PCDH7: variants seen among roughly 807,000 people sequenced by gnomAD.
PCDH7 encodes protocadherin-7.
A neutral mutation model predicts 58.9 loss-of-function variants in PCDH7; 17 were observed. That is an observed-to-expected ratio of 0.29 (90% CI 0.20 to 0.43). The LOEUF is 0.43. Ranked by LOEUF, PCDH7 falls within the 20% of genes least tolerant of loss-of-function variation. The probability of loss-of-function intolerance (pLI) is 1.00; values close to 1 mark genes in which losing one functional copy is unlikely to be tolerated. For missense variants in PCDH7, 1,274 were observed against 1,441.0 expected (o/e 0.88, Z 1.88); for synonymous variants, 664 against 616.4 (o/e 1.08, Z -1.14).
intron 3 of PCDH7, among the ~76,000 whole-genome samples, chr4:30,994,514 A>T (rs545072003): frequency 6.6e-6 from 1 of 152,222 alleles, no homozygotes; most frequent in Admixed American, 6.5e-5. Context: ...AAGATAGGTG[A>T]TAAAAACCAA....
intron 1 of PCDH7, among the ~76,000 whole-genome samples, chr4:30,838,686 A>T (rs1247901994): frequency 6.6e-6 from 1 of 151,934 alleles, no homozygotes; most frequent in African/African-American, 2.4e-5. Context: ...TTTAGTGAAG[A>T]TTCAGATTGG....
intron 1 of PCDH7, among the ~76,000 whole-genome samples, chr4:30,905,060 A>C: frequency 6.6e-6 from 1 of 152,284 alleles, no homozygotes; most frequent in Admixed American, 6.5e-5. Flanking sequence ...TCTAAGATAG[A>C]AAAAGAAAAA....
chr4:31,098,657 A>G (rs1714491233), intron 3 of PCDH7, among the ~76,000 whole-genome samples: 1 of 152,154 alleles, frequency 6.6e-6, no homozygotes, highest in Admixed American at 6.5e-5. Context: ...CACAATATAA[A>G]TGGTAGTTTT....
At chr4:30,793,716 C>T (rs1197880230) in intron 1 of PCDH7, among the ~76,000 whole-genome samples, 1 of 152,090 alleles carries the variant, frequency 6.6e-6, no homozygotes, top group Admixed American at 6.6e-5. Context: ...AAACTCGAAG[C>T]ATATGTAACT....
rs747023998 is a variant in PCDH7, at chr4:30,723,823, G to A, written c.2401G>A (p.Val801Ile). Residue 801 changes from valine to isoleucine, a missense_variant, in exon 1 of 2, where the codon GTT becomes ATT. This residue lies in a region of PCDH7 where 731 missense variants were observed against 881.9 expected (regional missense o/e 0.83). Transcript: ENST00000361762. The surrounding 1 kb of genome is among the most constrained non-coding windows in gnomAD (Gnocchi z 4.6). ...TGAAATTGATCCCACTAGTGGTGTG[G>A]TTTCCTTAGTGGGAAAACTCACCCA... is the stretch of plus-strand genomic sequence containing the variant. 7 of 1,614,134 alleles carry A rather than the reference G, an allele frequency of 4.3e-6. No homozygotes were observed. The South Asian group carries it at 4.4e-5, about 10-fold the overall frequency.
chr4:31,097,608 AT>A (rs1714242386), intron 3 of PCDH7, among the ~76,000 whole-genome samples: 1 of 31,218 alleles, frequency 3.2e-5, no homozygotes, highest in Non-Finnish European at 4.8e-5. Flanking sequence ...ATATATATAT[AT>A]ATATATATAT....
At chr4:30,771,702 G>C (rs544146456) in intron 1 of PCDH7, among the ~76,000 whole-genome samples, 68 of 152,044 alleles carry the variant, frequency 4.5e-4, no homozygotes, top group Non-Finnish European at 6.8e-4. Context: ...TTTCTTTAAT[G>C]ATTGCAGACA....
chr4:30,950,981 T>C (rs2109447709), intron 3 of PCDH7, among the ~76,000 whole-genome samples: 1 of 152,302 alleles, frequency 6.6e-6, no homozygotes, highest in South Asian at 2.1e-4. Flanking sequence ...GACTTCTTTT[T>C]TCACTAGTGA....
At chr4:30,906,938 G>T (rs187813064) in intron 1 of PCDH7, among the ~76,000 whole-genome samples, 1 of 152,008 alleles carries the variant, frequency 6.6e-6, no homozygotes, top group Admixed American at 6.6e-5. Flanking sequence ...CAGGAGAATC[G>T]TTTGAACCTA....
chr4:30,809,194 G>A (rs1726655238), intron 1 of PCDH7, among the ~76,000 whole-genome samples: 1 of 152,170 alleles, frequency 6.6e-6, no homozygotes, highest in African/African-American at 2.4e-5. Flanking sequence ...GAAAATTAGA[G>A]CAATAATCTG....
chr4:31,057,758 C>A (rs1274715516), intron 3 of PCDH7, among the ~76,000 whole-genome samples: 1 of 152,118 alleles, frequency 6.6e-6, no homozygotes. Flanking sequence ...CCTCATCTAA[C>A]CATTTCTTTA....
intron 1 of PCDH7, among the ~76,000 whole-genome samples, chr4:30,894,463 GAAAAAAAAAAAAAA>G (rs750545292): frequency 2.3e-4 from 3 of 13,038 alleles, no homozygotes. Context: ...TTTCATTCAG[GAAAAAAAAAAAAAA>G]AAAAAAAAAA....
intron 3 of PCDH7, among the ~76,000 whole-genome samples, chr4:31,106,992 C>A (rs1243826387): frequency 6.6e-6 from 1 of 152,154 alleles, no homozygotes. Flanking sequence ...ATAACTTTTA[C>A]TTCTTGAATG....
At chr4:30,851,253 T>C (rs756802621) in intron 1 of PCDH7, among the ~76,000 whole-genome samples, 10 of 151,956 alleles carry the variant, frequency 6.6e-5, no homozygotes, top group Non-Finnish European at 1.5e-4. Context: ...ATTTTTGGTA[T>C]AATGAGATAC....
At chr4:30,843,985 C>G (rs1246175834) in intron 1 of PCDH7, among the ~76,000 whole-genome samples, 1 of 152,124 alleles carries the variant, frequency 6.6e-6, no homozygotes, top group African/African-American at 2.4e-5. Context: ...ATGTCATGAT[C>G]TTGACAATCA....
chr4:30,956,964 C>A (rs1321963271), intron 3 of PCDH7, among the ~76,000 whole-genome samples: 3 of 152,102 alleles, frequency 2.0e-5, no homozygotes, highest in African/African-American at 7.2e-5. Flanking sequence ...ACGTGGAGGT[C>A]GGCATCCCTT....
chr4:30,824,787 AACGTGCTTCG>A (rs1340021761), intron 1 of PCDH7, among the ~76,000 whole-genome samples: 1 of 152,156 alleles, frequency 6.6e-6, no homozygotes, highest in Non-Finnish European at 1.5e-5. Context: ...ATACTGTAGA[AACGTGCTTCG>A]ACTTTGTAGG....
chr4:30,844,208 T>C (rs1731609853), intron 1 of PCDH7, among the ~76,000 whole-genome samples: 1 of 152,178 alleles, frequency 6.6e-6, no homozygotes, highest in Non-Finnish European at 1.5e-5. Context: ...GTTAAATAAA[T>C]ATATAGGAAG....
At chr4:30,769,166 G>A (rs1052755739) in intron 1 of PCDH7, among the ~76,000 whole-genome samples, 3 of 152,156 alleles carry the variant, frequency 2.0e-5, no homozygotes, top group Non-Finnish European at 2.9e-5. Context: ...GAGTTGAGTC[G>A]TGAGTTTTTC....
Sources: allele counts gnomAD v4.1 joint callset (sites outside exome capture counted in the v4.1 genomes callset), GRCh38; gene constraint gnomAD v4.1.1; regional missense constraint gnomAD v4.1.1; non-coding constraint Gnocchi (gnomAD v3.1); transcripts MANE v1.5; gene names NCBI Gene and HGNC (gene_info 2026-07-23, HGNC 2026-07-21).